The following SIL1 variants were observed in gnomAD, a reference collection of about 807,000 sequenced individuals.
The protein encoded by SIL1 is SIL1 nucleotide exchange factor.
SIL1 carries 40 observed loss-of-function variants against 49.1 expected under a neutral mutation model. That is an observed-to-expected ratio of 0.81 (90% CI 0.63 to 1.06). SIL1 has a LOEUF of 1.06. SIL1 is among the 50% of genes least tolerant of loss of function. The pLI, the probability that SIL1 is intolerant of heterozygous loss-of-function variation, is 0.00. For synonymous variants in SIL1, 253 were observed against 250.8 expected (o/e 1.01, Z -0.08); for missense variants, 500 against 572.6 (o/e 0.87, Z 1.29).
chr5:139,085,528 A>G (rs927666376), intron 3 of SIL1, among the ~76,000 whole-genome samples: 4 of 152,166 alleles, frequency 2.6e-5, no homozygotes, highest in African/African-American at 9.7e-5. Context: ...AAACGAGAGC[A>G]GTGGGAATGG....
intron 2 of SIL1, among the ~76,000 whole-genome samples, chr5:139,122,447 T>C (rs1440059831): frequency 6.6e-6 from 1 of 151,890 alleles, no homozygotes; most frequent in African/African-American, 2.4e-5. Flanking sequence ...ACAAAAAAAT[T>C]AGCCAGGTGT....
At chr5:139,002,209 T>G (rs1210017731) in intron 7 of SIL1, among the ~76,000 whole-genome samples, 7 of 143,596 alleles carry the variant, frequency 4.9e-5, no homozygotes, top group Admixed American at 7.0e-5. Flanking sequence ...AGAACCTGTC[T>G]CAAAAAAAAA....
chr5:139,179,698 CAGAT>C (rs1479395346), intron 1 of SIL1, among the ~76,000 whole-genome samples: 2 of 152,140 alleles, frequency 1.3e-5, no homozygotes, highest in Non-Finnish European at 1.5e-5. Context: ...AGCACATACA[CAGAT>C]AGGTAGCTGA....
At chr5:139,101,176 A>G (rs13170388) in intron 3 of SIL1, among the ~76,000 whole-genome samples, 40,463 of 151,384 alleles carry the variant, frequency 0.27, 6,163 homozygotes, top group Middle Eastern at 0.41. Context: ...TATAACCTTA[A>G]CTCTCCCTCA....
chr5:138,964,762 G>A (rs553091999), intron 7 of SIL1, among the ~76,000 whole-genome samples: 6 of 152,354 alleles, frequency 3.9e-5, no homozygotes, highest in African/African-American at 1.4e-4. Context: ...GCTCGTTAAA[G>A]CCTGTCTGGC....
At chr5:139,166,967 C>T (rs959853409) in intron 1 of SIL1, among the ~76,000 whole-genome samples, 1 of 152,166 alleles carries the variant, frequency 6.6e-6, no homozygotes, top group Non-Finnish European at 1.5e-5. Flanking sequence ...CACCACCACG[C>T]CCGGCTAATT....
chr5:138,983,118 G>C (rs1767565249), intron 7 of SIL1, among the ~76,000 whole-genome samples: 1 of 136,618 alleles, frequency 7.3e-6, no homozygotes, highest in African/African-American at 2.7e-5. Flanking sequence ...AGAATCACTT[G>C]AACCCAGAAG....
At chr5:138,995,529 C>A (rs984007662) in intron 7 of SIL1, among the ~76,000 whole-genome samples, 4 of 152,202 alleles carry the variant, frequency 2.6e-5, no homozygotes, top group African/African-American at 9.6e-5. Context: ...GCATGAGCCA[C>A]CACGCCCCAC....
At chr5:139,020,857 G>A (rs543096354) in intron 7 of SIL1, among the ~76,000 whole-genome samples, 1 of 152,134 alleles carries the variant, frequency 6.6e-6, no homozygotes, top group African/African-American at 2.4e-5. Flanking sequence ...ACCTACTCTT[G>A]TTTATTCCCC....
chr5:139,082,930 G>T (rs570561745), intron 3 of SIL1, among the ~76,000 whole-genome samples: 1 of 152,294 alleles, frequency 6.6e-6, no homozygotes, highest in Non-Finnish European at 1.5e-5. Flanking sequence ...CGAACTAGAC[G>T]AACAGGAAGG....
At chr5:139,035,991 T>C (rs1053087302) in intron 5 of SIL1, 1 of 152,148 alleles carries the variant, frequency 6.6e-6, no homozygotes, top group Non-Finnish European at 1.5e-5. Context: ...CTTCAGCAGT[T>C]TGCCCAGTTT....
intron 3 of SIL1, among the ~76,000 whole-genome samples, chr5:139,063,749 G>C (rs1181419672): frequency 2.0e-5 from 3 of 152,300 alleles, no homozygotes; most frequent in Admixed American, 6.5e-5. Context: ...GAGGATTCCA[G>C]AGTGCCTGCA....
intron 3 of SIL1, among the ~76,000 whole-genome samples, chr5:139,077,241 C>T (rs75664967): frequency 6.6e-6 from 1 of 152,214 alleles, no homozygotes; most frequent in African/African-American, 2.4e-5. Context: ...CAAGTTGTTT[C>T]CCAAATTTTT....
chr5:139,162,669 T>G (rs1417702220), intron 1 of SIL1, among the ~76,000 whole-genome samples: 1 of 152,174 alleles, frequency 6.6e-6, no homozygotes, highest in East Asian at 1.9e-4. Flanking sequence ...TTCAGCGTAA[T>G]AAAAGAACAC....
At chr5:139,064,889 AG>A (rs1435599581) in intron 3 of SIL1, among the ~76,000 whole-genome samples, 1 of 152,198 alleles carries the variant, frequency 6.6e-6, no homozygotes, top group African/African-American at 2.4e-5. Flanking sequence ...GTTCACTGCC[AG>A]GAATAAGAGA....
rs1177868116 is a variant in SIL1 at position 138,948,422 on chromosome 5, C to T, written c.1030-949G>A. 6.6e-6 allele frequency among the ~76,000 whole-genome samples: 1 copy of T among 152,188 alleles called. No homozygotes were observed. The highest frequency in any genetic ancestry group is 1.5e-5 in the Non-Finnish European group (1 of 68,032). Reference sequence around the variant, plus strand: ...TCCCTTGTGTCCTGCGATCCAGTGCCTCCTGCTCTCACCCTCTCCTCCAGC... The same window carrying T: ...TCCCTTGTGTCCTGCGATCCAGTGCTTCCTGCTCTCACCCTCTCCTCCAGC... On this transcript the variant is annotated intron_variant, in intron 9 of 9. Coordinates refer to ENST00000394817, the MANE Select transcript of SIL1 (RefSeq NM_022464.5). The surrounding 1 kb of genome is among the most constrained non-coding windows in gnomAD (Gnocchi z 4.8).
At chr5:138,966,361 G>A (rs564487367) in intron 7 of SIL1, among the ~76,000 whole-genome samples, 23 of 152,206 alleles carry the variant, frequency 1.5e-4, no homozygotes, top group African/African-American at 4.8e-4. Flanking sequence ...TGGACCACCC[G>A]GCCGCCTTGC....
At chr5:139,082,114 G>A (rs910233996) in intron 3 of SIL1, among the ~76,000 whole-genome samples, 1 of 152,124 alleles carries the variant, frequency 6.6e-6, no homozygotes, top group African/African-American at 2.4e-5. Flanking sequence ...AATCATATGG[G>A]GCAGGTATTC....
chr5:139,186,499 T>C (rs1220435627), intron 1 of SIL1, among the ~76,000 whole-genome samples: 1 of 152,172 alleles, frequency 6.6e-6, no homozygotes, highest in African/African-American at 2.4e-5. Context: ...AGATTATGAA[T>C]ATCTGGCCTC....
Sources: allele counts gnomAD v4.1 joint callset (sites outside exome capture counted in the v4.1 genomes callset), GRCh38; gene constraint gnomAD v4.1.1; non-coding constraint Gnocchi (gnomAD v3.1); transcripts MANE v1.5; gene names NCBI Gene and HGNC (gene_info 2026-07-23, HGNC 2026-07-21).